KCNC2: variants seen among roughly 807,000 people sequenced by gnomAD.
KCNC2 encodes the protein potassium voltage-gated channel subfamily C member 2.
KCNC2 carries 21 observed loss-of-function variants against 44.5 expected under a neutral mutation model. The ratio of observed to expected loss-of-function variants is 0.47; its 90% CI spans 0.33 to 0.68. The LOEUF is 0.68. Ranked by LOEUF, KCNC2 falls within the 30% of genes least tolerant of loss-of-function variation. The pLI is 0.01. For synonymous variants in KCNC2, 391 were observed against 339.1 expected, an observed-to-expected ratio of 1.15 and a Z score of -1.68; for missense variants, 589 against 826.2, an observed-to-expected ratio of 0.71 and a Z score of 3.52.
intron 2 of KCNC2, among the ~76,000 whole-genome samples, chr12:75,066,062 TC>T (rs1171495514): frequency 5.3e-5 from 8 of 152,250 alleles, no homozygotes; most frequent in Middle Eastern, 6.8e-3. Context: ...ACATTCTTCT[TC>T]TTTTATAGAA....
chr12:75,095,435 G>T lies in KCNC2; in HGVS notation c.688-44118C>A, dbSNP rs1446236914. Among the ~76,000 whole-genome samples, 6 of 151,658 alleles carry T rather than the reference G, an allele frequency of 4.0e-5. No individual in the cohort carries two copies. In the East Asian group the frequency reaches 1.2e-3, roughly 29 times the overall value. On this transcript the variant is annotated intron_variant, in intron 2 of 4. Transcript: ENST00000549446. ...TTTCCCCGGCCCTGCAAATTATGTT[G>T]CCTTCCCTGTTTCTAGTCAAGTCAT...
intron 2 of KCNC2, among the ~76,000 whole-genome samples, chr12:75,146,510 T>G (rs1384809187): frequency 6.6e-6 from 1 of 152,212 alleles, no homozygotes; most frequent in Non-Finnish European, 1.5e-5. Context: ...GTGGAATAGT[T>G]TAGTATATGT....
At chr12:75,145,954 ATT>A (rs10715917) in intron 2 of KCNC2, among the ~76,000 whole-genome samples, 1,839 of 135,916 alleles carry the variant, frequency 0.014, 29 homozygotes, top group African/African-American at 0.048. Context: ...AGTCTTACCA[ATT>A]TTTTTTTTTT....
chr12:75,136,689 C>G (rs1334786393), intron 2 of KCNC2, among the ~76,000 whole-genome samples: 2 of 152,028 alleles, frequency 1.3e-5, no homozygotes, highest in Non-Finnish European at 2.9e-5. Context: ...AATCTCCCAA[C>G]AACAATAACA....
chr12:75,194,299 G>A (rs542847494), intron 2 of KCNC2, among the ~76,000 whole-genome samples: 7 of 152,222 alleles, frequency 4.6e-5, no homozygotes, highest in African/African-American at 7.2e-5. Context: ...AGGGCAAGGC[G>A]AGGCCAGGGG....
chr12:75,198,760 T>C (rs2030990285), intron 2 of KCNC2, among the ~76,000 whole-genome samples: 1 of 151,800 alleles, frequency 6.6e-6, no homozygotes, highest in Non-Finnish European at 1.5e-5. Flanking sequence ...GAACCCCATA[T>C]CTGAATTTCT....
At chr12:75,151,965 T>G (rs1487123237) in intron 2 of KCNC2, among the ~76,000 whole-genome samples, 1 of 146,380 alleles carries the variant, frequency 6.8e-6, no homozygotes, top group Non-Finnish European at 1.5e-5. Context: ...ATATTATATA[T>G]TATACATTTA....
At chr12:75,101,457 C>T (rs1410139749) in intron 2 of KCNC2, among the ~76,000 whole-genome samples, 1 of 152,016 alleles carries the variant, frequency 6.6e-6, no homozygotes, top group Non-Finnish European at 1.5e-5. Context: ...CTGTTACACA[C>T]TTTGAGGGTA....
At chr12:75,196,583 C>T (rs527640744) in intron 2 of KCNC2, among the ~76,000 whole-genome samples, 1 of 152,140 alleles carries the variant, frequency 6.6e-6, no homozygotes, top group Non-Finnish European at 1.5e-5. Flanking sequence ...CTGAGTCAGA[C>T]ACTATTATTT....
At chr12:75,110,047 T>C (rs1364286865) in intron 2 of KCNC2, among the ~76,000 whole-genome samples, 2 of 151,420 alleles carry the variant, frequency 1.3e-5, no homozygotes, top group East Asian at 1.9e-4. Flanking sequence ...GAAGGAAAAA[T>C]ACAGAAGGTT....
At chr12:75,070,497 A>C (rs991872886) in intron 2 of KCNC2, among the ~76,000 whole-genome samples, 1 of 152,150 alleles carries the variant, frequency 6.6e-6, no homozygotes, top group Non-Finnish European at 1.5e-5. Context: ...ATAATATTAA[A>C]AAAATGCAAA....
chr12:75,089,202 A>G (rs2137120883), intron 2 of KCNC2, among the ~76,000 whole-genome samples: 1 of 151,924 alleles, frequency 6.6e-6, no homozygotes, highest in African/African-American at 2.4e-5. Flanking sequence ...CTGGTGATTT[A>G]TTTTCTCTGT....
chr12:75,157,243 G>T (rs1181336950), intron 2 of KCNC2, among the ~76,000 whole-genome samples: 3 of 151,856 alleles, frequency 2.0e-5, no homozygotes, highest in East Asian at 3.9e-4. Flanking sequence ...TTTTTTGTTG[G>T]ATTGTCCCTT....
intron 2 of KCNC2, among the ~76,000 whole-genome samples, chr12:75,160,245 G>A (rs1373855302): frequency 6.6e-6 from 1 of 151,804 alleles, no homozygotes; most frequent in African/African-American, 2.4e-5. Context: ...GAAAGACCCT[G>A]TGAGAATACT....
At chr12:75,121,760 A>G (rs984267122) in intron 2 of KCNC2, among the ~76,000 whole-genome samples, 1 of 152,192 alleles carries the variant, frequency 6.6e-6, no homozygotes, top group African/African-American at 2.4e-5. Context: ...AGTGAGTGTT[A>G]TTCACTTGTC....
At position 75,050,669 on chromosome 12, in the gene KCNC2, G is replaced by T. The variant is rs200669582; in HGVS notation, c.1336C>A (p.Gln446Lys). Residue 446 changes from glutamine to lysine, a missense_variant, in exon 3 of 5, where the codon CAA (glutamine) becomes AAA (lysine). By Grantham distance (53) the Gln-to-Lys change is moderately conservative. Coordinates refer to ENST00000549446, the MANE Select transcript of KCNC2 (RefSeq NM_139137.4). ...CCCACCAGCATGCCTGACCATGTTT[G>T]GGGGTACATATCCCCATAACCCAGG... Reference protein sequence around the residue: ...TTLGYGDMYPQTWSGMLVGAL... With the variant: ...TTLGYGDMYPKTWSGMLVGAL... 2 of 1,613,424 alleles carry T rather than the reference G, an allele frequency of 1.2e-6. No individual in the cohort carries two copies. Among genetic ancestry groups the T allele is most frequent in the Non-Finnish European group, 1.7e-6 (2 of 1,179,838 alleles).
At chr12:75,074,486 T>G (rs1188731088) in intron 2 of KCNC2, among the ~76,000 whole-genome samples, 1 of 152,134 alleles carries the variant, frequency 6.6e-6, no homozygotes, top group Non-Finnish European at 1.5e-5. Flanking sequence ...CTTTTAGAAA[T>G]TTAACATCAT....
intron 2 of KCNC2, among the ~76,000 whole-genome samples, chr12:75,077,669 T>C (rs1020872963): frequency 6.6e-6 from 1 of 152,136 alleles, no homozygotes; most frequent in Non-Finnish European, 1.5e-5. Flanking sequence ...TTGATGACCA[T>C]AAGAATCTTA....
At position 75,142,946 on chromosome 12, in the gene KCNC2, C is replaced by T. The variant is rs144611139; in HGVS notation, c.687+64351G>A. ...TAAAGTGATAAAGTATTTATTCCCT[C>T]GCACTCCTTTTACTTTAAAAGTTTC... On this transcript the variant is annotated intron_variant, in intron 2 of 4. Transcript: ENST00000549446. 3.7e-3 allele frequency among the ~76,000 whole-genome samples: 558 copies of T among 152,272 alleles called. 2 individuals are homozygous for T. Among genetic ancestry groups the T allele is most frequent in the Middle Eastern group, 6.8e-3 (2 of 294 alleles).
Sources: allele counts gnomAD v4.1 joint callset (sites outside exome capture counted in the v4.1 genomes callset), GRCh38; gene constraint gnomAD v4.1.1; transcripts MANE v1.5; gene names NCBI Gene and HGNC (gene_info 2026-07-23, HGNC 2026-07-21).